Variants in KLK7 observed in about 807,000 individuals in gnomAD.
The protein encoded by KLK7 is kallikrein related peptidase 7, also known as kallikrein-7.
A neutral mutation model predicts 21.0 loss-of-function variants in KLK7; 17 were observed. That is an observed-to-expected ratio of 0.81 (90% CI 0.55 to 1.21). The LOEUF (loss-of-function observed/expected upper bound fraction) is 1.21. Ranked by LOEUF, KLK7 falls within the 50% of genes most tolerant of loss-of-function variation. KLK7 has a pLI of 0.00. For missense variants in KLK7, 330 were observed against 322.8 expected, an observed-to-expected ratio of 1.02 and a Z score of -0.17; for synonymous variants, 151 against 134.6, an observed-to-expected ratio of 1.12 and a Z score of -0.85.
intron 3 of KLK7, 43 bp from the exon 4 acceptor site, chr19:50,980,530 C>G: frequency 6.2e-7 from 1 of 1,609,968 alleles, no homozygotes; most frequent in Non-Finnish European, 8.5e-7. Flanking sequence ...GACACTGTGA[C>G]AGAGAGGGTG....
At chr19:50,980,087 G>C (rs1199244297) in intron 4 of KLK7, among the ~76,000 whole-genome samples, 153 bp downstream of exon 4, 1 of 151,292 alleles carries the variant, frequency 6.6e-6, no homozygotes, top group East Asian at 2.0e-4. Flanking sequence ...GTCTGAGGGA[G>C]GAGGGGCTGG....
intron 4 of KLK7, 93 bp downstream of exon 4, chr19:50,980,147 T>A (rs1318822514): frequency 7.3e-7 from 1 of 1,371,566 alleles, no homozygotes; most frequent in East Asian, 2.5e-5. Context: ...CCTGGACTCC[T>A]GGGTCTGAGG....
intron 1 of KLK7, among the ~76,000 whole-genome samples, chr19:50,982,857 T>C (rs1290060886): frequency 1.7e-5 from 1 of 58,532 alleles, no homozygotes; most frequent in Admixed American, 2.1e-4. Flanking sequence ...TCCAAGTCCC[T>C]CCTCCCTCAG....
chr19:50,980,280 G>T lies in KLK7; in HGVS notation c.429C>A (p.Thr143=). The change falls in exon 4 of 6, where the codon ACC becomes ACA. Residue 143 remains threonine, a synonymous_variant. Coordinates refer to ENST00000595820, the MANE Select transcript of KLK7 (RefSeq NM_005046.4). ...TAGTGCCCCAGCCGGAGACAGTACA[G>T]GTGGTTCCAGGGGGTTCGCAGCGGG... The part of the protein sequence containing the change: ...LPSRCEPPGT[T]CTVSGWGTTT... 6.2e-7 allele frequency: 1 copy of T among 1,614,072 alleles called. No homozygotes were observed. Among genetic ancestry groups the T allele is most frequent in the Non-Finnish European group, 8.5e-7 (1 of 1,179,974 alleles).
chr19:50,978,330 C>T (rs2091051458), intron 5 of KLK7, among the ~76,000 whole-genome samples: 2 of 152,002 alleles, frequency 1.3e-5, no homozygotes, highest in South Asian at 4.1e-4. Flanking sequence ...ACTCACCATC[C>T]CACATCCCCT....
At chr19:50,983,932 C>A, upstream of KLK7, 1 of 1,288,694 alleles carries the variant, frequency 7.8e-7, no homozygotes, top group Non-Finnish European at 1.0e-6. Context: ...CTCTGCTGGG[C>A]CGTCCTCTTA....
At chr19:50,983,993 G>A (rs2091111702), upstream of KLK7, 1 of 1,193,942 alleles carries the variant, frequency 8.4e-7, no homozygotes, top group Non-Finnish European at 1.1e-6. Context: ...TGCAGGCGGA[G>A]CCGACTCTGG....
chr19:50,980,014 G>A, intron 4 of KLK7, 90 bp from the exon 5 acceptor site: 1 of 1,481,234 alleles, frequency 6.8e-7, no homozygotes, highest in Non-Finnish European at 9.1e-7. Flanking sequence ...TTCCGAGGGA[G>A]GAGGGTCTGG....
intron 5 of KLK7, among the ~76,000 whole-genome samples, chr19:50,979,097 G>A (rs1436819067): frequency 6.6e-6 from 1 of 152,128 alleles, no homozygotes; most frequent in African/African-American, 2.4e-5. Context: ...TTCAGAAACA[G>A]AGGGGATGAC....
At chr19:50,981,676 A>G in intron 3 of KLK7, 91 bp downstream of exon 3, 1 of 1,233,016 alleles carries the variant, frequency 8.1e-7, no homozygotes, top group Admixed American at 2.5e-5. Flanking sequence ...AGAGGAGAAT[A>G]GAGCCGTAGG....
chr19:50,981,079 G>A (rs375141472), intron 3 of KLK7, among the ~76,000 whole-genome samples: 6 of 147,302 alleles, frequency 4.1e-5, no homozygotes, highest in African/African-American at 1.0e-4. Flanking sequence ...CAGAGACCCA[G>A]AGAGAGAGGG....
intron 1 of KLK7, 34 bp from the exon 2 acceptor site, chr19:50,982,491 C>A: frequency 6.6e-7 from 1 of 1,522,258 alleles, no homozygotes; most frequent in Non-Finnish European, 8.8e-7. Context: ...CCCAGCCCCT[C>A]CCCACTCAGA....
upstream of KLK7, chr19:50,983,984 G>A: frequency 8.1e-7 from 1 of 1,235,214 alleles, no homozygotes; most frequent in Non-Finnish European, 1.1e-6. Context: ...GCCCTGGGGT[G>A]CAGGCGGAGC....
chr19:50,984,002 G>A (rs2122275664), upstream of KLK7: 3 of 1,099,734 alleles, frequency 2.7e-6, no homozygotes, highest in Non-Finnish European at 3.7e-6. Context: ...AGCCGACTCT[G>A]GGACACCCCC....
chr19:50,982,611 C>T (rs1390509933), intron 1 of KLK7, among the ~76,000 whole-genome samples, 154 bp from the exon 2 acceptor site: 2 of 143,206 alleles, frequency 1.4e-5, no homozygotes, highest in African/African-American at 5.1e-5. Flanking sequence ...TCCCTCAGAC[C>T]TAGGGGTCCA....
intron 1 of KLK7, 37 bp downstream of exon 1, chr19:50,983,814 C>T: frequency 7.8e-7 from 1 of 1,289,340 alleles, no homozygotes. Context: ...ATCACCCTCT[C>T]CCCTACAGGT....
At chr19:50,981,005 A>T (rs2091077595) in intron 3 of KLK7, among the ~76,000 whole-genome samples, 1 of 138,466 alleles carries the variant, frequency 7.2e-6, no homozygotes, top group Admixed American at 7.0e-5. Context: ...ACAGAGCCCC[A>T]GGGAGAGGGG....
At chr19:50,981,442 G>C (rs1454210382) in intron 3 of KLK7, among the ~76,000 whole-genome samples, 1 of 88,760 alleles carries the variant, frequency 1.1e-5, no homozygotes, top group African/African-American at 4.2e-5. Flanking sequence ...AGAGAGAGGG[G>C]GACAGAGACC....
At chr19:50,982,209 G>C in intron 2 of KLK7, 118 bp downstream of exon 2, 9 of 1,359,892 alleles carry the variant, frequency 6.6e-6, no homozygotes, top group Non-Finnish European at 9.2e-6. Context: ...TCAGCCGACA[G>C]TCTGGTCCTC....
Sources: allele counts gnomAD v4.1 joint callset (sites outside exome capture counted in the v4.1 genomes callset), GRCh38; gene constraint gnomAD v4.1.1; transcripts MANE v1.5; gene names NCBI Gene and HGNC (gene_info 2026-07-23, HGNC 2026-07-21).